ARHGAP22: variants seen among roughly 807,000 people sequenced by gnomAD.
ARHGAP22 encodes Rho GTPase activating protein 22, also known as rho GTPase-activating protein 22.
Under a neutral mutation model 59.1 loss-of-function variants are expected in ARHGAP22, and 48 were observed. The observed-to-expected ratio is 0.81, with a 90% CI of 0.64 to 1.03. The LOEUF (loss-of-function observed/expected upper bound fraction) is 1.03. ARHGAP22 is among the 50% of genes least tolerant of loss of function. The pLI is 0.00. For missense variants in ARHGAP22, 1,015 were observed against 958.7 expected, an observed-to-expected ratio of 1.06 and a Z score of -0.78; for synonymous variants, 445 against 416.4, an observed-to-expected ratio of 1.07 and a Z score of -0.84.
chr10:48,652,143 AC>A (rs2062593665), intron 1 of ARHGAP22: 2 of 1,252,086 alleles, frequency 1.6e-6, no homozygotes, highest in Admixed American at 4.0e-5. Context: ...CAGCCACAAG[AC>A]CAAGACAGCC....
chr10:48,543,385 T>C (rs2056144317), intron 3 of ARHGAP22, among the ~76,000 whole-genome samples: 1 of 152,086 alleles, frequency 6.6e-6, no homozygotes, highest in African/African-American at 2.4e-5. Flanking sequence ...CACACCACCC[T>C]GAGCACAGCC....
intron 3 of ARHGAP22, among the ~76,000 whole-genome samples, chr10:48,537,226 C>G (rs2055448331): frequency 6.6e-6 from 1 of 152,248 alleles, no homozygotes; most frequent in Non-Finnish European, 1.5e-5. Flanking sequence ...CAGCTCTGCT[C>G]TGGTGCATCA....
chr10:48,620,311 C>A (rs2061240697), intron 1 of ARHGAP22, among the ~76,000 whole-genome samples: 1 of 151,184 alleles, frequency 6.6e-6, no homozygotes. Flanking sequence ...GTTTTTCATA[C>A]ACTGTCTTCC....
At chr10:48,562,732 C>T (rs1014364535) in intron 2 of ARHGAP22, among the ~76,000 whole-genome samples, 1 of 152,130 alleles carries the variant, frequency 6.6e-6, no homozygotes, top group Non-Finnish European at 1.5e-5. Flanking sequence ...CACAGATGCA[C>T]ATCTATATTA....
intron 2 of ARHGAP22, among the ~76,000 whole-genome samples, chr10:48,579,218 A>G (rs551016519): frequency 6.6e-6 from 1 of 151,604 alleles, no homozygotes; most frequent in East Asian, 1.9e-4. Flanking sequence ...ATTTTGTTCC[A>G]TTTCAATTCA....
At chr10:48,448,475 T>C (rs565508412) in intron 9 of ARHGAP22, among the ~76,000 whole-genome samples, 1 of 152,318 alleles carries the variant, frequency 6.6e-6, no homozygotes, top group South Asian at 2.1e-4. Context: ...GCACAGCATC[T>C]GGTACTTCAC....
chr10:48,580,776 G>A (rs1466451600), intron 2 of ARHGAP22, among the ~76,000 whole-genome samples: 1 of 152,102 alleles, frequency 6.6e-6, no homozygotes, highest in Non-Finnish European at 1.5e-5. Flanking sequence ...TGGTGGCCAG[G>A]TGAGGGCAGG....
chr10:48,488,679 C>G (rs2050079754), intron 3 of ARHGAP22, among the ~76,000 whole-genome samples: 1 of 152,214 alleles, frequency 6.6e-6, no homozygotes. Flanking sequence ...TACGGTCTTG[C>G]AGGCAGGAAC....
At chr10:48,639,154 G>A (rs1435874956) in intron 1 of ARHGAP22, among the ~76,000 whole-genome samples, 1 of 152,212 alleles carries the variant, frequency 6.6e-6, no homozygotes, top group Non-Finnish European at 1.5e-5. Context: ...GTGGGGCATT[G>A]TCATGGGGAG....
rs34893410 is a variant in ARHGAP22 at position 48,501,740 on chromosome 10, C to CAA, written c.323-21978_323-21977dup. 5.8e-4 allele frequency among the ~76,000 whole-genome samples: 81 copies of CAA among 139,070 alleles called. No individual in the cohort carries two copies. The Middle Eastern group carries it at 0.011, about 18-fold the overall frequency. The allele number at this position is 139,070 out of a possible 152,430, so 91.2% of individuals were successfully genotyped here. A position where few individuals can be genotyped will look rare whatever the true frequency, so the allele number is the denominator to read the frequency against. The stretch of plus-strand genomic sequence containing the variant: ...ATGTATTGATTAAATTATGTACATC[C>CAA]AAAAAAAAAAAAAGAAGGTGGTGAA... On this transcript the variant is annotated intron_variant, in intron 3 of 9. Coordinates refer to ENST00000249601, the MANE Select transcript of ARHGAP22 (RefSeq NM_021226.4).
At chr10:48,655,409 A>T (rs1197377294), upstream of ARHGAP22, 1 of 152,312 alleles carries the variant, frequency 6.6e-6, no homozygotes, top group Admixed American at 6.5e-5. Context: ...TTTGGGACAG[A>T]GTTCTGCCCA....
chr10:48,475,728 T>C (rs1212681490), intron 4 of ARHGAP22, among the ~76,000 whole-genome samples: 3 of 152,140 alleles, frequency 2.0e-5, no homozygotes, highest in African/African-American at 7.2e-5. Flanking sequence ...ACCTGCACTG[T>C]TGTGTAAGGA....
Position 48,479,646 on chromosome 10 carries a change from C to T in ARHGAP22, c.441G>A (p.Pro147=), listed in dbSNP as rs149583386. The change falls in exon 4 of 10, where the codon CCG becomes CCA. Residue 147 remains proline (P), a synonymous_variant. Coordinates refer to ENST00000249601, the MANE Select transcript of ARHGAP22 (RefSeq NM_021226.4). ...VQAIRRVIWA[P]LGGGIFGQRL... ...ATCTACGGGCAGTACCTCCGCCCAG[C>T]GGGGCCCAGATGACTCGGCGGATGG... 5.9e-4 allele frequency: 956 copies of T among 1,613,636 alleles called. No individual in the cohort carries two copies. The highest frequency in any genetic ancestry group is 7.8e-4 in the Non-Finnish European group (915 of 1,179,948).
chr10:48,646,116 T>A (rs1162472883), intron 1 of ARHGAP22, among the ~76,000 whole-genome samples: 1 of 152,142 alleles, frequency 6.6e-6, no homozygotes, highest in African/African-American at 2.4e-5. Context: ...TCAAAAAGAA[T>A]AAACTATTTA....
chr10:48,489,290 A>G (rs540003010), intron 3 of ARHGAP22, among the ~76,000 whole-genome samples: 1 of 152,272 alleles, frequency 6.6e-6, no homozygotes, highest in Admixed American at 6.5e-5. Context: ...TGATGACCCC[A>G]TTTGACAGGT....
At chr10:48,520,487 G>T (rs750959944) in intron 3 of ARHGAP22, among the ~76,000 whole-genome samples, 2 of 152,196 alleles carry the variant, frequency 1.3e-5, no homozygotes, top group South Asian at 4.1e-4. Context: ...AGCCTGACAG[G>T]GGGGCCAGGA....
intron 3 of ARHGAP22, among the ~76,000 whole-genome samples, chr10:48,513,031 C>T (rs1483457110): frequency 6.6e-6 from 1 of 152,140 alleles, no homozygotes; most frequent in African/African-American, 2.4e-5. Flanking sequence ...ATTGCTTTTT[C>T]TCTCTTTCTC....
chr10:48,572,684 A>G (rs984057387), intron 2 of ARHGAP22, among the ~76,000 whole-genome samples: 2 of 152,096 alleles, frequency 1.3e-5, no homozygotes, highest in Non-Finnish European at 2.9e-5. Context: ...CTGCCTTACC[A>G]TCCATTCCCT....
At chr10:48,594,207 C>A (rs565052826) in intron 1 of ARHGAP22, among the ~76,000 whole-genome samples, 2 of 152,232 alleles carry the variant, frequency 1.3e-5, no homozygotes, top group African/African-American at 4.8e-5. Flanking sequence ...AGACTAACAC[C>A]GATCAGCCCA....
Sources: allele counts gnomAD v4.1 joint callset (sites outside exome capture counted in the v4.1 genomes callset), GRCh38; gene constraint gnomAD v4.1.1; transcripts MANE v1.5; gene names NCBI Gene and HGNC (gene_info 2026-07-23, HGNC 2026-07-21).